Variants in SNTG1 observed in about 807,000 individuals in gnomAD.
The protein encoded by SNTG1 is syntrophin gamma 1.
Under a neutral mutation model 74.7 loss-of-function variants are expected in SNTG1, and 39 were observed. The ratio of observed to expected loss-of-function variants is 0.52; its 90% confidence interval spans 0.40 to 0.68. SNTG1 has a LOEUF of 0.68. Ranked by LOEUF, SNTG1 falls within the 30% of genes least tolerant of loss-of-function variation. SNTG1 has a pLI of 0.00. For synonymous variants in SNTG1, 254 were observed against 217.1 expected, an observed-to-expected ratio of 1.17 and a Z score of -1.49; for missense variants, 685 against 609.5, an observed-to-expected ratio of 1.12 and a Z score of -1.30.
At chr8:50,632,902 G>C (rs957296879) in intron 13 of SNTG1, among the ~76,000 whole-genome samples, 1 of 152,104 alleles carries the variant, frequency 6.6e-6, no homozygotes, top group South Asian at 2.1e-4. Flanking sequence ...CAAGAATACC[G>C]TGTCTTCTAC....
intron 2 of SNTG1, among the ~76,000 whole-genome samples, chr8:50,333,924 A>G (rs1335389707): frequency 3.3e-5 from 5 of 152,228 alleles, no homozygotes; most frequent in Non-Finnish European, 7.3e-5. Flanking sequence ...GATGCATACA[A>G]TCTTACATGG....
intron 17 of SNTG1, among the ~76,000 whole-genome samples, chr8:50,709,665 G>A (rs2095456179): frequency 6.6e-6 from 1 of 152,042 alleles, no homozygotes; most frequent in Admixed American, 6.6e-5. Flanking sequence ...ATTTTTAATT[G>A]GAAGCGATCT....
intron 5 of SNTG1, among the ~76,000 whole-genome samples, chr8:50,440,299 G>A (rs2093346542): frequency 1.3e-5 from 2 of 151,790 alleles, no homozygotes; most frequent in South Asian, 4.2e-4. Context: ...TCATCCTAAA[G>A]AAATTCCTTT....
At chr8:50,760,928 G>A (rs545200422) in intron 18 of SNTG1, among the ~76,000 whole-genome samples, 34 of 151,992 alleles carry the variant, frequency 2.2e-4, no homozygotes, top group Admixed American at 7.2e-4. Context: ...ATTCACAGCC[G>A]AATGCTACCA....
chr8:50,678,545 G>C (rs1344427243), intron 15 of SNTG1, among the ~76,000 whole-genome samples: 1 of 151,972 alleles, frequency 6.6e-6, no homozygotes, highest in Non-Finnish European at 1.5e-5. Context: ...GAATATTTAA[G>C]GAACATATCT....
At chr8:49,920,491 CTTCTT>C (rs1346445342) in intron 1 of SNTG1, among the ~76,000 whole-genome samples, 10 of 151,988 alleles carry the variant, frequency 6.6e-5, no homozygotes, top group Admixed American at 2.0e-4. Flanking sequence ...AACTGCCTCT[CTTCTT>C]ATAACACCTA....
chr8:50,606,107 C>G (rs544135111), intron 13 of SNTG1, among the ~76,000 whole-genome samples: 39 of 151,960 alleles, frequency 2.6e-4, no homozygotes, highest in Non-Finnish European at 4.9e-4. Flanking sequence ...TTGTTGTGTC[C>G]TTGTTTTTAT....
At chr8:50,215,301 T>C (rs1455574430) in intron 2 of SNTG1, among the ~76,000 whole-genome samples, 1 of 151,366 alleles carries the variant, frequency 6.6e-6, no homozygotes, top group Non-Finnish European at 1.5e-5. Context: ...AAAAGTTGTA[T>C]GAGGAAGAAC....
chr8:50,519,391 C>G (rs2094160616), intron 9 of SNTG1, among the ~76,000 whole-genome samples: 1 of 152,062 alleles, frequency 6.6e-6, no homozygotes, highest in Non-Finnish European at 1.5e-5. Context: ...TGAAAACCAG[C>G]ACAAGACAAG....
intron 1 of SNTG1, among the ~76,000 whole-genome samples, chr8:50,150,193 TTGTC>T: frequency 6.6e-6 from 1 of 152,272 alleles, no homozygotes; most frequent in Non-Finnish European, 1.5e-5. Flanking sequence ...GGTTCTCTGT[TTGTC>T]TGTTATTGGT....
intron 1 of SNTG1, among the ~76,000 whole-genome samples, chr8:50,016,494 C>A (rs1816328065): frequency 6.6e-6 from 1 of 152,038 alleles, no homozygotes; most frequent in South Asian, 2.1e-4. Flanking sequence ...TAGTCATTGT[C>A]AACTTCTGAT....
chr8:50,313,502 A>G (rs2090197130), intron 2 of SNTG1, among the ~76,000 whole-genome samples: 1 of 149,840 alleles, frequency 6.7e-6, no homozygotes, highest in Non-Finnish European at 1.5e-5. Context: ...AAATGATCTG[A>G]GTAGACATAT....
chr8:50,238,540 T>G (rs1171781011), intron 2 of SNTG1, among the ~76,000 whole-genome samples: 1 of 152,114 alleles, frequency 6.6e-6, no homozygotes, highest in Non-Finnish European at 1.5e-5. Context: ...ATAAAAATCC[T>G]AGAGGAAGAC....
rs189994490 is a variant in SNTG1 at position 50,521,288 on chromosome 8, G to A, written c.467-8889G>A. On this transcript the variant is annotated intron_variant, in intron 9 of 18. Coordinates refer to ENST00000642720, the MANE Select transcript of SNTG1 (RefSeq NM_018967.5). Reference sequence around the variant, plus strand: ...TGATGGGGGCTGGGGGTCTAGGGGAGGGATAGCATTAGGAGAAATGCCTAA... The same window carrying A: ...TGATGGGGGCTGGGGGTCTAGGGGAAGGATAGCATTAGGAGAAATGCCTAA... Among the ~76,000 whole-genome samples the A allele has an allele frequency of 1.9e-3, 296 of 152,220 alleles. 3 individuals carry two copies. Among genetic ancestry groups the A allele is most frequent in the African/African-American group, 5.5e-3 (228 of 41,540 alleles).
chr8:50,383,562 T>C (rs985564123), intron 2 of SNTG1, among the ~76,000 whole-genome samples: 1 of 152,202 alleles, frequency 6.6e-6, no homozygotes, highest in African/African-American at 2.4e-5. Context: ...TGGTGGTAGT[T>C]GGTAGTAATA....
intron 15 of SNTG1, among the ~76,000 whole-genome samples, chr8:50,691,631 T>A (rs1401257661): frequency 1.3e-5 from 2 of 152,254 alleles, no homozygotes; most frequent in African/African-American, 4.8e-5. Flanking sequence ...GTTAGTCTGA[T>A]GGGCTTCCCT....
At chr8:50,588,161 C>A (rs540318491) in intron 12 of SNTG1, among the ~76,000 whole-genome samples, 5 of 151,468 alleles carry the variant, frequency 3.3e-5, no homozygotes, top group Non-Finnish European at 7.4e-5. Flanking sequence ...TCTAATTAGA[C>A]CTACTTTAAG....
chr8:49,968,730 A>G (rs1811376969), intron 1 of SNTG1, among the ~76,000 whole-genome samples: 1 of 152,158 alleles, frequency 6.6e-6, no homozygotes, highest in Non-Finnish European at 1.5e-5. Context: ...AGACTTCTCC[A>G]TGAAAGAGAG....
chr8:50,622,555 T>A (rs2094930102), intron 13 of SNTG1, among the ~76,000 whole-genome samples: 1 of 152,192 alleles, frequency 6.6e-6, no homozygotes. Context: ...CTATAAGTTC[T>A]CTTTATTTGT....
Sources: allele counts gnomAD v4.1 joint callset (sites outside exome capture counted in the v4.1 genomes callset), GRCh38; gene constraint gnomAD v4.1.1; transcripts MANE v1.5; gene names NCBI Gene and HGNC (gene_info 2026-07-23, HGNC 2026-07-21).